The following PTPRG variants were observed in gnomAD, a reference collection of about 807,000 sequenced individuals.
PTPRG encodes protein tyrosine phosphatase receptor type G, also known as receptor-type tyrosine-protein phosphatase gamma.
PTPRG carries 102 observed loss-of-function variants against 165.3 expected under a neutral mutation model. The observed-to-expected ratio is 0.62, with a 90% CI of 0.53 to 0.73. The LOEUF (loss-of-function observed/expected upper bound fraction) is 0.73, where lower values mean the gene tolerates loss of function less well. Among genes scored for constraint, PTPRG ranks in the 30% least tolerant of loss-of-function variants. The pLI is 0.00. For missense variants in PTPRG, 1,866 were observed against 1,861.4 expected (o/e 1.00, Z -0.05); for synonymous variants, 675 against 669.5 (o/e 1.01, Z -0.13).
chr3:62,018,482 G>A (rs1166376415), intron 4 of PTPRG, among the ~76,000 whole-genome samples: 1 of 152,124 alleles, frequency 6.6e-6, no homozygotes, highest in Admixed American at 6.5e-5. Flanking sequence ...GGCTTCAGGG[G>A]TGTCACCACT....
intron 7 of PTPRG, among the ~76,000 whole-genome samples, chr3:62,166,136 C>T (rs1424487048): frequency 7.2e-6 from 1 of 138,208 alleles, no homozygotes; most frequent in African/African-American, 2.7e-5. Context: ...CAGCTTTTCT[C>T]TTCATTCTAT....
chr3:61,960,051 C>T (rs760693041), intron 2 of PTPRG, among the ~76,000 whole-genome samples: 1 of 152,182 alleles, frequency 6.6e-6, no homozygotes, highest in Admixed American at 6.5e-5. Context: ...GCCACCTTCT[C>T]AGGAGTCGCT....
chr3:61,575,074 T>C, intron 1 of PTPRG, among the ~76,000 whole-genome samples: 1 of 152,202 alleles, frequency 6.6e-6, no homozygotes, highest in African/African-American at 2.4e-5. Flanking sequence ...ACCGAAACCA[T>C]AGCAGCGCAT....
intron 4 of PTPRG, among the ~76,000 whole-genome samples, chr3:62,039,031 T>G (rs1700040624): frequency 6.6e-6 from 1 of 152,178 alleles, no homozygotes; most frequent in Admixed American, 6.5e-5. Flanking sequence ...GCCTCCCAGG[T>G]TCAGGCAATT....
chr3:61,668,476 A>G (rs1702871533), intron 1 of PTPRG, among the ~76,000 whole-genome samples: 1 of 152,204 alleles, frequency 6.6e-6, no homozygotes, highest in African/African-American at 2.4e-5. Context: ...CAACAGCTTC[A>G]GAATAGAAAC....
intron 4 of PTPRG, among the ~76,000 whole-genome samples, chr3:62,057,244 G>A (rs1388698295): frequency 6.6e-6 from 1 of 152,160 alleles, no homozygotes; most frequent in Non-Finnish European, 1.5e-5. Context: ...TGGTGTTTAT[G>A]GTGAGAAACC....
chr3:62,122,612 C>A (rs1480982063), intron 5 of PTPRG, among the ~76,000 whole-genome samples: 1 of 152,140 alleles, frequency 6.6e-6, no homozygotes. Flanking sequence ...TTCTGTGCTG[C>A]AATTAATTGG....
chr3:61,756,090 T>C (rs1421536143), intron 2 of PTPRG, among the ~76,000 whole-genome samples: 1 of 152,296 alleles, frequency 6.6e-6, no homozygotes, highest in East Asian at 1.9e-4. Flanking sequence ...GAAGATGGCA[T>C]TGCATTTGTT....
At chr3:61,817,128 C>T (rs1324573007) in intron 2 of PTPRG, among the ~76,000 whole-genome samples, 6 of 123,296 alleles carry the variant, frequency 4.9e-5, no homozygotes, top group Non-Finnish European at 3.3e-5. Context: ...ATATGTATTA[C>T]ACATAATACA....
chr3:61,789,584 C>T (rs2034811979), intron 2 of PTPRG, among the ~76,000 whole-genome samples: 1 of 152,140 alleles, frequency 6.6e-6, no homozygotes. Context: ...CGTATTCCTC[C>T]CTCATGGGAC....
chr3:62,058,833 C>CT, intron 4 of PTPRG, among the ~76,000 whole-genome samples: 1 of 152,220 alleles, frequency 6.6e-6, no homozygotes, highest in Non-Finnish European at 1.5e-5. Context: ...GTGATCTGAA[C>CT]CCACTGAAGT....
chr3:61,634,832 C>T (rs1701862984), intron 1 of PTPRG, among the ~76,000 whole-genome samples: 1 of 152,116 alleles, frequency 6.6e-6, no homozygotes, highest in Non-Finnish European at 1.5e-5. Flanking sequence ...AATGTGATGC[C>T]ATATCTGATA....
At chr3:62,077,427 A>G (rs1575973408) in intron 4 of PTPRG, among the ~76,000 whole-genome samples, 1 of 152,190 alleles carries the variant, frequency 6.6e-6, no homozygotes, top group African/African-American at 2.4e-5. Context: ...TCTCATCTAT[A>G]GCTGAGTATA....
intron 2 of PTPRG, among the ~76,000 whole-genome samples, chr3:61,815,729 A>G (rs2035741819): frequency 6.6e-6 from 1 of 152,202 alleles, no homozygotes; most frequent in South Asian, 2.1e-4. Context: ...GTGGCTGTTT[A>G]TTAGGTTAAG....
chr3:61,787,618 C>T (rs2034747243), intron 2 of PTPRG, among the ~76,000 whole-genome samples: 1 of 152,194 alleles, frequency 6.6e-6, no homozygotes, highest in African/African-American at 2.4e-5. Context: ...CCCATAAATG[C>T]TTGATCACTG....
At chr3:62,051,357 A>G (rs888178153) in intron 4 of PTPRG, among the ~76,000 whole-genome samples, 1 of 152,174 alleles carries the variant, frequency 6.6e-6, no homozygotes, top group East Asian at 1.9e-4. Context: ...GAACCCAGAA[A>G]TCTGCTCTTT....
intron 1 of PTPRG, among the ~76,000 whole-genome samples, chr3:61,628,172 T>G (rs894787161): frequency 3.9e-5 from 6 of 152,198 alleles, no homozygotes; most frequent in Non-Finnish European, 8.8e-5. Flanking sequence ...TGCTAGGCAC[T>G]GGGGAATAAG....
intron 6 of PTPRG, among the ~76,000 whole-genome samples, chr3:62,153,208 A>C (rs1028952744): frequency 3.9e-5 from 6 of 152,328 alleles, no homozygotes; most frequent in African/African-American, 1.4e-4. Flanking sequence ...TTAAAACCCA[A>C]AATGAGCCAG....
At chr3:61,995,921 C>T (rs2041031235) in intron 3 of PTPRG, among the ~76,000 whole-genome samples, 1 of 152,052 alleles carries the variant, frequency 6.6e-6, no homozygotes, top group Non-Finnish European at 1.5e-5. Flanking sequence ...CGAGCCTTTA[C>T]ATTTTTTGTT....
Sources: allele counts gnomAD v4.1 joint callset (sites outside exome capture counted in the v4.1 genomes callset), GRCh38; gene constraint gnomAD v4.1.1; transcripts MANE v1.5; gene names NCBI Gene and HGNC (gene_info 2026-07-23, HGNC 2026-07-21).